STON1: variants seen among roughly 807,000 people sequenced by gnomAD.
STON1 encodes the protein stonin 1.
Under a neutral mutation model 60.9 loss-of-function variants are expected in STON1, and 79 were observed. The ratio of observed to expected loss-of-function variants is 1.30; its 90% CI spans 1.08 to 1.56. The LOEUF (loss-of-function observed/expected upper bound fraction) is 1.56. Ranked by LOEUF, STON1 falls within the 40% of genes most tolerant of loss-of-function variation. STON1 has a pLI of 0.00. For missense variants in STON1, 1,166 were observed against 858.9 expected (o/e 1.36, Z -4.47); for synonymous variants, 363 against 306.9 (o/e 1.18, Z -1.91).
chr2:48,554,623 T>C (rs1197309547), intron 1 of STON1, among the ~76,000 whole-genome samples: 1 of 152,152 alleles, frequency 6.6e-6, no homozygotes, highest in Non-Finnish European at 1.5e-5. Context: ...TAAATTTACA[T>C]ATAGGCTAAG....
Position 48,581,905 on chromosome 2 carries a change from G to A in STON1, c.1272G>A (p.Trp424Ter), listed in dbSNP as rs765637414. 2 of 1,613,904 alleles carry A rather than the reference G, an allele frequency of 1.2e-6. No individual in the cohort carries two copies. Among genetic ancestry groups the A allele is most frequent in the East Asian group, 4.5e-5 (2 of 44,890 alleles). ...CCTTGGAAATTGTGGACAACTTTTGGGGTAAAGTCACAAAAGAAGGAAAAT... is the reference window on the plus strand; with the variant it reads ...CCTTGGAAATTGTGGACAACTTTTGAGGTAAAGTCACAAAAGAAGGAAAAT... ...EISLEIVDNF[W>*]GKVTKEGKFV... is the part of the protein sequence containing the mutation. Residue 424 changes from tryptophan to a stop codon, truncating the protein, a stop_gained, in exon 2 of 4, where the codon TGG becomes TGA. Transcript: ENST00000404752. LOFTEE classifies it high-confidence loss of function.
At chr2:48,580,254 TC>T (rs1408709183) in intron 1 of STON1, among the ~76,000 whole-genome samples, 2 of 152,182 alleles carry the variant, frequency 1.3e-5, no homozygotes, top group African/African-American at 4.8e-5. Context: ...GTGAATTGAC[TC>T]TTTTATCATT....
Position 48,580,984 on chromosome 2 carries a change from A to T in STON1, c.351A>T (p.Ser117=). The T allele has an allele frequency of 6.4e-7, 1 of 1,574,278 alleles. No individual in the cohort carries two copies. The highest frequency in any genetic ancestry group is 8.6e-7 in the Non-Finnish European group (1 of 1,164,144). Residue 117 remains serine (S), a synonymous_variant, in exon 2 of 4, where the codon TCA becomes TCT. Coordinates refer to ENST00000404752, the MANE Select transcript of STON1 (RefSeq NM_006873.4). The stretch of plus-strand genomic sequence containing the variant: ...CTTCAGACAGCCCACTCGCAATATC[A>T]GGAGGAGAATCTTCCTTACTGCCTA... ...ESSSDSPLAI[S]GGESSLLPTR... is the part of the protein sequence containing the mutation.
At chr2:48,546,306 A>G (rs1225789957) in intron 1 of STON1, among the ~76,000 whole-genome samples, 2 of 152,202 alleles carry the variant, frequency 1.3e-5, no homozygotes, top group Non-Finnish European at 2.9e-5. Context: ...TGTCACCTGC[A>G]TTAACTCCTG....
intron 1 of STON1, among the ~76,000 whole-genome samples, chr2:48,558,333 G>C (rs550410557): frequency 6.6e-6 from 1 of 152,342 alleles, no homozygotes; most frequent in Non-Finnish European, 1.5e-5. Context: ...GAGAGGAATA[G>C]AAGCAAACAT....
intron 1 of STON1, among the ~76,000 whole-genome samples, chr2:48,576,404 G>A (rs1307384564): frequency 6.6e-6 from 1 of 151,134 alleles, no homozygotes; most frequent in Non-Finnish European, 1.5e-5. Flanking sequence ...TGGCCAGACT[G>A]GTCTTGAACT....
Position 48,582,110 on chromosome 2 carries a change from G to A in STON1, c.1477G>A (p.Val493Ile), listed in dbSNP as rs1673922549. The A allele has an allele frequency of 1.9e-6, 3 of 1,614,198 alleles. No homozygotes were observed. The South Asian group carries it at 3.3e-5, about 18-fold the overall frequency. Residue 493 changes from valine (V) to isoleucine (I), a missense_variant, in exon 2 of 4, where the codon GTA becomes ATA. Transcript: ENST00000404752. The stretch of plus-strand genomic sequence containing the variant: ...CTACCATTTTCATAAGTGTGTGAAT[G>A]TACAAGAATTTGAGCAATCAAGAAT... ...LDYHFHKCVNVQEFEQSRIIK... is the reference protein window; with the variant it reads ...LDYHFHKCVNIQEFEQSRIIK...
chr2:48,545,640 T>C (rs17037365), intron 1 of STON1, among the ~76,000 whole-genome samples: 2,799 of 152,356 alleles, frequency 0.018, 44 homozygotes, highest in African/African-American at 0.035. Context: ...TCACTCTCCA[T>C]GGCTATGTAT....
chr2:48,581,583 A>C lies in STON1; in HGVS notation c.950A>C (p.Lys317Thr). The C allele has an allele frequency of 6.2e-7, 1 of 1,614,196 alleles. No individual in the cohort carries two copies. Among genetic ancestry groups the C allele is most frequent in the Non-Finnish European group, 8.5e-7 (1 of 1,180,038 alleles). ...ATGTATTATGAACAGGGATTAGAAA[A>C]ACCATTTAAAGAGATACAGCTTGAT... ...LQMYYEQGLE[K>T]PFKEIQLDPY... Residue 317 changes from lysine (K) to threonine (T), a missense_variant, in exon 2 of 4, where the codon AAA (lysine) becomes ACA (threonine). Physicochemically the swap from Lys to Thr is moderately conservative, Grantham distance 78. Coordinates refer to ENST00000404752, the MANE Select transcript of STON1 (RefSeq NM_006873.4).
intron 3 of STON1, among the ~76,000 whole-genome samples, chr2:48,593,270 C>T (rs1299327022): frequency 6.6e-6 from 1 of 151,960 alleles, no homozygotes; most frequent in Non-Finnish European, 1.5e-5. Flanking sequence ...TGCCTGCCAC[C>T]ACGCCTGGCT....
chr2:48,577,006 A>G (rs935453158), intron 1 of STON1, among the ~76,000 whole-genome samples: 1 of 150,934 alleles, frequency 6.6e-6, no homozygotes, highest in Admixed American at 6.6e-5. Context: ...GTGAGCCAAG[A>G]TCGCGCCACT....
intron 1 of STON1, among the ~76,000 whole-genome samples, chr2:48,554,980 C>T (rs1672260474): frequency 1.8e-5 from 1 of 57,026 alleles, no homozygotes; most frequent in Non-Finnish European, 3.5e-5. Context: ...CATCTTGCAC[C>T]GCCCTTAATC....
intron 1 of STON1, among the ~76,000 whole-genome samples, chr2:48,550,237 C>G (rs1295286514): frequency 2.0e-5 from 3 of 152,066 alleles, no homozygotes; most frequent in African/African-American, 2.4e-5. Flanking sequence ...GTGGCTCATG[C>G]TTGTATTCCC....
intron 1 of STON1, among the ~76,000 whole-genome samples, chr2:48,564,420 T>C (rs561421749): frequency 9.9e-5 from 4 of 40,434 alleles, no homozygotes; most frequent in East Asian, 6.3e-4. Context: ...CTTCTTCTTC[T>C]TCTTCTTCTT....
chr2:48,584,742 G>T (rs1175594117), intron 2 of STON1, among the ~76,000 whole-genome samples: 1 of 152,152 alleles, frequency 6.6e-6, no homozygotes, highest in African/African-American at 2.4e-5. Context: ...GAAGAACACT[G>T]CTCTCCAGGT....
In STON1 at chr2:48,564,487, TTC is replaced by T. The variant is rs1558604900; in HGVS notation, c.-47-16098_-47-16097del. ...TTCTTCTTCTTCTTCTTCTTTCTTCTTCTTCTTCTTCTTCTTCTTCTTCTTCT... is the reference window on the plus strand; with the variant it reads ...TTCTTCTTCTTCTTCTTCTTTCTTCTTTCTTCTTCTTCTTCTTCTTCTTCT... On this transcript the variant is annotated intron_variant, in intron 1 of 3. Coordinates refer to ENST00000404752, the MANE Select transcript of STON1 (RefSeq NM_006873.4). Among the ~76,000 whole-genome samples the T allele has an allele frequency of 1.1e-3, 23 of 20,988 alleles. 1 individual carries two copies. The highest frequency in any genetic ancestry group is 2.1e-3 in the African/African-American group (11 of 5,304). The allele number at this position is 20,988 out of a possible 152,430, so 13.8% of individuals were successfully genotyped here.
intron 1 of STON1, among the ~76,000 whole-genome samples, chr2:48,538,975 C>T (rs551865280): frequency 2.8e-4 from 43 of 151,746 alleles, no homozygotes; most frequent in African/African-American, 9.4e-4. Context: ...TGGAGTGCAG[C>T]GGCACCATCA....
intron 2 of STON1, among the ~76,000 whole-genome samples, chr2:48,589,861 C>G (rs1164295279): frequency 6.6e-6 from 1 of 152,114 alleles, no homozygotes; most frequent in South Asian, 2.1e-4. Flanking sequence ...TAGCACTTTG[C>G]AAAATAATAT....
intron 1 of STON1, among the ~76,000 whole-genome samples, chr2:48,564,184 C>A (rs1438199159): frequency 6.6e-6 from 1 of 152,150 alleles, no homozygotes; most frequent in Non-Finnish European, 1.5e-5. Flanking sequence ...GAGATGGTAT[C>A]TTCAAGAATG....
Sources: allele counts gnomAD v4.1 joint callset (sites outside exome capture counted in the v4.1 genomes callset), GRCh38; gene constraint gnomAD v4.1.1; transcripts MANE v1.5; gene names NCBI Gene and HGNC (gene_info 2026-07-23, HGNC 2026-07-21).